TMEM26: variants seen among roughly 807,000 people sequenced by gnomAD.
TMEM26 encodes the protein transmembrane protein 26.
TMEM26 carries 38 observed loss-of-function variants against 28.8 expected under a neutral mutation model. The ratio of observed to expected loss-of-function variants is 1.32; its 90% CI spans 1.02 to 1.73. TMEM26 has a LOEUF of 1.73. Ranked by LOEUF, TMEM26 falls within the 40% of genes most tolerant of loss-of-function variation. The pLI is 0.00. For missense variants in TMEM26, 518 were observed against 447.1 expected (o/e 1.16, Z -1.43); for synonymous variants, 227 against 182.9 (o/e 1.24, Z -1.95).
intron 3 of TMEM26, among the ~76,000 whole-genome samples, chr10:61,430,206 TA>T (rs1839898830): frequency 6.6e-6 from 1 of 152,056 alleles, no homozygotes; most frequent in Non-Finnish European, 1.5e-5. Context: ...CAGACTGATA[TA>T]AATAAATTGT....
intron 2 of TMEM26, among the ~76,000 whole-genome samples, chr10:61,435,066 T>A (rs1839981649): frequency 6.6e-6 from 1 of 152,208 alleles, no homozygotes. Flanking sequence ...CCCAGAGTTG[T>A]ACAGGAACAT....
At position 61,452,800 on chromosome 10, in the gene TMEM26, A is replaced by G. The variant is rs988881802; in HGVS notation, c.191+91T>C. 2.8e-6 allele frequency: 4 copies of G among 1,452,124 alleles called. No homozygotes were observed. The South Asian group carries it at 5.0e-5, about 18-fold the overall frequency. 90.0% of individuals were successfully genotyped at this position (1,452,124 alleles called of 1,614,324 possible). ...AAAACGGGGTCCAAATTCGAGTAGAATCTGCGGGTTGCGGGAAGATGGCCT... is the reference window on the plus strand; with the variant it reads ...AAAACGGGGTCCAAATTCGAGTAGAGTCTGCGGGTTGCGGGAAGATGGCCT... On this transcript the variant is annotated intron_variant, in intron 1 of 5. Coordinates refer to ENST00000399298, the MANE Select transcript of TMEM26 (RefSeq NM_178505.8).
In TMEM26 at chr10:61,415,093, C is replaced by A; in HGVS notation, c.606-1558G>T. On this transcript the variant is annotated intron_variant, in intron 4 of 5. Transcript: ENST00000399298. ...TCTCACATGCACATATGGCATAGAA[C>A]GTGGATAGAAAACCAGTACCCTGGA... The A allele has an allele frequency of 3.0e-6, 3 of 985,110 alleles. No homozygotes were observed. The South Asian group carries it at 1.4e-4, about 46-fold the overall frequency. The allele number at this position is 985,110 out of a possible 1,614,324, so 61.0% of individuals were successfully genotyped here.
Position 61,415,186 on chromosome 10 carries a change from A to G in TMEM26, c.606-1651T>C, listed in dbSNP as rs1010216610. On this transcript the variant is annotated intron_variant, in intron 4 of 5. Coordinates refer to ENST00000399298, the MANE Select transcript of TMEM26 (RefSeq NM_178505.8). ...ATTAGAATAGAATTGGATAGAAGAA[A>G]GAGCATTTCACAGCAGCAGCCATAA... The G allele has an allele frequency of 1.4e-5, 14 of 983,886 alleles. No individual in the cohort carries two copies. In the African/African-American group the frequency reaches 2.3e-4, roughly 16 times the overall value. The allele number at this position is 983,886 out of a possible 1,614,324, so 60.9% of individuals were successfully genotyped here.
At chr10:61,439,255 T>C (rs973986881) in intron 1 of TMEM26, among the ~76,000 whole-genome samples, 3 of 152,198 alleles carry the variant, frequency 2.0e-5, no homozygotes, top group Non-Finnish European at 4.4e-5. Flanking sequence ...TTTATAGTTA[T>C]GTGTGTATAA....
At chr10:61,443,447 T>G (rs1441727734) in intron 1 of TMEM26, among the ~76,000 whole-genome samples, 2 of 149,874 alleles carry the variant, frequency 1.3e-5, no homozygotes, top group Non-Finnish European at 3.0e-5. Flanking sequence ...CCTGGGCAAC[T>G]GAGGGAGACT....
intron 3 of TMEM26, among the ~76,000 whole-genome samples, chr10:61,430,678 A>C (rs1467358509): frequency 6.6e-6 from 1 of 152,014 alleles, no homozygotes; most frequent in Non-Finnish European, 1.5e-5. Context: ...AGCAAAGAAT[A>C]AGTGAAATTT....
intron 4 of TMEM26, chr10:61,415,997 G>A (rs1839645666): frequency 2.5e-6 from 1 of 399,484 alleles, no homozygotes; most frequent in Non-Finnish European, 5.0e-6. Flanking sequence ...GATTTCAGTT[G>A]CACCTGTGAG....
intron 3 of TMEM26, among the ~76,000 whole-genome samples, chr10:61,429,553 C>G (rs539817475): frequency 2.0e-4 from 30 of 152,044 alleles, no homozygotes; most frequent in African/African-American, 6.7e-4. Context: ...ATTTTTAAAT[C>G]TGAATGTACT....
intron 4 of TMEM26, among the ~76,000 whole-genome samples, chr10:61,427,209 T>C (rs915305885): frequency 6.6e-6 from 1 of 152,072 alleles, no homozygotes; most frequent in Non-Finnish European, 1.5e-5. Flanking sequence ...ATTATAAAAA[T>C]ACATATTTAT....
At position 61,453,293 on chromosome 10, in the gene TMEM26, A is replaced by T. The variant is rs2135346602; in HGVS notation, c.-212T>A. 1 of 572,378 alleles carries T rather than the reference A, an allele frequency of 1.7e-6. No individual in the cohort carries two copies. Among genetic ancestry groups the T allele is most frequent in the African/African-American group, 1.9e-5 (1 of 53,562 alleles). 35.5% of individuals were successfully genotyped at this position (572,378 alleles called of 1,614,324 possible). A position where few individuals can be genotyped will look rare whatever the true frequency, so the allele number is the denominator to read the frequency against. On this transcript the variant is annotated 5_prime_UTR_variant, in exon 1 of 6. Transcript: ENST00000399298. ...CCTGAGAACTCTTCAAAGAGGGGTG[A>T]GTCCAAACCCAGCTTTTCCAGACTG...
intron 2 of TMEM26, among the ~76,000 whole-genome samples, chr10:61,435,956 A>G (rs1839998155): frequency 6.6e-6 from 1 of 152,128 alleles, no homozygotes; most frequent in African/African-American, 2.4e-5. Flanking sequence ...TCACTATATA[A>G]TCCTAAATCT....
Position 61,407,164 on chromosome 10 carries a change from C to T in TMEM26, c.*3158G>A, listed in dbSNP as rs1017533195. ...GAATTATCAAGAATTAAATACCAAA[C>T]ATTATTACATTCAACTCTGAAAGAT... On this transcript the variant is annotated 3_prime_UTR_variant, in exon 6 of 6. Transcript: ENST00000399298. 2 of 152,122 alleles carry T rather than the reference C, an allele frequency of 1.3e-5. No individual in the cohort carries two copies. The highest frequency in any genetic ancestry group is 4.8e-5 in the African/African-American group (2 of 41,428). 9.4% of individuals were successfully genotyped at this position (152,122 alleles called of 1,614,324 possible). A position where few individuals can be genotyped will look rare whatever the true frequency, so the allele number is the denominator to read the frequency against.
chr10:61,421,058 C>T (rs542123125), intron 4 of TMEM26, among the ~76,000 whole-genome samples: 12 of 151,718 alleles, frequency 7.9e-5, no homozygotes, highest in South Asian at 2.1e-4. Context: ...TTATCAGTAA[C>T]GGAGCAAGTG....
In TMEM26 at chr10:61,410,211, T is replaced by C. The variant is rs1241502178; in HGVS notation, c.*111A>G. The stretch of plus-strand genomic sequence containing the variant: ...GCTTTGGTTTAAGATCACCTTTTTA[T>C]GTTGTTCTTTTGAAAATTATTATAC... On this transcript the variant is annotated 3_prime_UTR_variant, in exon 6 of 6. Coordinates refer to ENST00000399298, the MANE Select transcript of TMEM26 (RefSeq NM_178505.8). 8 of 1,211,812 alleles carry C rather than the reference T, an allele frequency of 6.6e-6. No individual in the cohort carries two copies. The highest frequency in any genetic ancestry group is 1.6e-5 in the South Asian group (1 of 62,750). The allele number at this position is 1,211,812 out of a possible 1,614,324, so 75.1% of individuals were successfully genotyped here.
At chr10:61,438,952 A>T (rs1334267962) in intron 1 of TMEM26, among the ~76,000 whole-genome samples, 1 of 152,188 alleles carries the variant, frequency 6.6e-6, no homozygotes, top group Non-Finnish European at 1.5e-5. Flanking sequence ...GGAAAAAGGA[A>T]TCATATTGAG....
At position 61,453,325 on chromosome 10, in the gene TMEM26, T is replaced by C; in HGVS notation, c.-244A>G. The C allele has an allele frequency of 2.0e-6, 1 of 489,864 alleles. No individual in the cohort carries two copies. Among genetic ancestry groups the C allele is most frequent in the Non-Finnish European group, 3.7e-6 (1 of 269,114 alleles). The allele number at this position is 489,864 out of a possible 1,614,324, so 30.3% of individuals were successfully genotyped here. A position where few individuals can be genotyped will look rare whatever the true frequency, so the allele number is the denominator to read the frequency against. ...ACCCAGCTTTTCCAGACTGCTGGGT[T>C]TTCCAGGGAGTCTGGGGCTGCGCTG... On this transcript the variant is annotated 5_prime_UTR_variant, in exon 1 of 6. Transcript: ENST00000399298.
intron 1 of TMEM26, 124 bp from the exon 2 acceptor site, chr10:61,436,372 T>A: frequency 1.8e-6 from 1 of 552,634 alleles, no homozygotes; most frequent in Non-Finnish European, 3.1e-6. Flanking sequence ...AACCTTTTCG[T>A]ATAACTTCAA....
intron 1 of TMEM26, among the ~76,000 whole-genome samples, chr10:61,438,867 AC>A (rs1181001268): frequency 6.6e-6 from 1 of 152,214 alleles, no homozygotes; most frequent in Non-Finnish European, 1.5e-5. Context: ...AATAAAACAA[AC>A]AAAAAGCTTT....
Sources: gnomAD v4.1 joint callset for allele counts (sites outside exome capture counted in the v4.1 genomes callset) on GRCh38, gnomAD v4.1.1 for gene constraint, MANE v1.5 for transcripts, NCBI Gene and HGNC (gene_info 2026-07-23, HGNC 2026-07-21) for gene names.